PTPRJ: variants seen among roughly 807,000 people sequenced by gnomAD.
PTPRJ encodes protein tyrosine phosphatase receptor type J, also known as receptor-type tyrosine-protein phosphatase eta.
In PTPRJ, 129 loss-of-function variants were observed where a neutral mutation model predicts 141.3. That is an observed-to-expected ratio of 0.91 (90% CI 0.79 to 1.06). The LOEUF (loss-of-function observed/expected upper bound fraction) is 1.06, where lower values mean the gene tolerates loss of function less well. Ranked by LOEUF, PTPRJ falls within the 50% of genes least tolerant of loss-of-function variation. PTPRJ has a pLI of 0.00. For synonymous variants in PTPRJ, 610 were observed against 640.5 expected (o/e 0.95, Z 0.72); for missense variants, 1,601 against 1,679.7 (o/e 0.95, Z 0.82).
chr11:48,053,524 A>G (rs961280730), intron 1 of PTPRJ, among the ~76,000 whole-genome samples: 76 of 129,134 alleles, frequency 5.9e-4, no homozygotes, highest in African/African-American at 2.2e-3. Flanking sequence ...TCTGAAGGAG[A>G]GGTCAAATAT....
At chr11:48,104,979 C>T (rs1856249730) in intron 1 of PTPRJ, among the ~76,000 whole-genome samples, 1 of 152,142 alleles carries the variant, frequency 6.6e-6, no homozygotes, top group African/African-American at 2.4e-5. Context: ...GGGATAAACA[C>T]AGTTCCTCCC....
At position 48,130,513 on chromosome 11, in the gene PTPRJ, G is replaced by A. The variant is rs752659691; in HGVS notation, c.1412G>A (p.Gly471Asp). 3 of 1,613,778 alleles carry A rather than the reference G, an allele frequency of 1.9e-6. No individual in the cohort carries two copies. In the African/African-American group the frequency reaches 4.0e-5, roughly 22 times the overall value. ...ACAGTGGTCAGCACGACGGAGATCG[G>A]CTTAGCATGGAGCAGCCATGATGCA... ...RVTVVSTTEI[G>D]LAWSSHDAES... The change falls in exon 8 of 25, where the codon GGC (glycine) becomes GAC (aspartate). Residue 471 changes from glycine to aspartate, a missense_variant. By Grantham distance (94) the Gly-to-Asp change is moderately conservative. Coordinates refer to ENST00000418331, the MANE Select transcript of PTPRJ (RefSeq NM_002843.4).
chr11:48,018,017 T>A, intron 1 of PTPRJ, among the ~76,000 whole-genome samples: 1 of 152,348 alleles, frequency 6.6e-6, no homozygotes, highest in East Asian at 1.9e-4. Flanking sequence ...TGTGTATGCA[T>A]GTGTGAATGG....
At position 48,170,510 on chromosome 11, in the gene PTPRJ, G is replaced by C. The variant is rs1565339261; in HGVS notation, c.*3148G>C. 1 of 152,138 alleles carries C rather than the reference G, an allele frequency of 6.6e-6. No individual in the cohort carries two copies. The highest frequency in any genetic ancestry group is 2.1e-4 in the South Asian group (1 of 4,828). 9.4% of individuals were successfully genotyped at this position (152,138 alleles called of 1,614,324 possible). Reference sequence around the variant, plus strand: ...TGGTTCTCTTTTGAAATGCTTGATTGTACTTATTGAGCTAAACAAGTCTTG... The same window carrying C: ...TGGTTCTCTTTTGAAATGCTTGATTCTACTTATTGAGCTAAACAAGTCTTG... On this transcript the variant is annotated 3_prime_UTR_variant, in exon 25 of 25. Transcript: ENST00000418331.
In PTPRJ at chr11:48,153,112, G is replaced by C. The variant is rs541581610; in HGVS notation, c.3139-684G>C. ...GCCAATCACTGAGATGACAAATATT[G>C]CCGGGGAAGAAAGCTTTAATCGGGT... On this transcript the variant is annotated intron_variant, in intron 18 of 24. Transcript: ENST00000418331. Among the ~76,000 whole-genome samples the C allele has an allele frequency of 3.3e-3, 499 of 152,234 alleles. 5 individuals carry two copies. The highest frequency in any genetic ancestry group is 0.012 in the African/African-American group (484 of 41,552).
At chr11:48,110,920 G>C (rs553306462) in intron 2 of PTPRJ, among the ~76,000 whole-genome samples, 1 of 152,362 alleles carries the variant, frequency 6.6e-6, no homozygotes, top group Non-Finnish European at 1.5e-5. Context: ...AATATATTCA[G>C]TTGAAAGCAC....
chr11:48,003,197 C>T (rs952626944), intron 1 of PTPRJ, among the ~76,000 whole-genome samples: 1 of 152,080 alleles, frequency 6.6e-6, no homozygotes, highest in Non-Finnish European at 1.5e-5. Context: ...AATGGATGTA[C>T]TATAATTCAT....
At chr11:48,111,646 A>G (rs1451937077) in intron 2 of PTPRJ, among the ~76,000 whole-genome samples, 2 of 152,178 alleles carry the variant, frequency 1.3e-5, no homozygotes, top group Non-Finnish European at 2.9e-5. Context: ...GCAGAAGAAC[A>G]CTTCTATTCA....
intron 1 of PTPRJ, among the ~76,000 whole-genome samples, chr11:48,044,370 G>A (rs1854340089): frequency 1.3e-5 from 2 of 152,216 alleles, no homozygotes; most frequent in Non-Finnish European, 2.9e-5. Flanking sequence ...CTGAGGTCAG[G>A]CCTGGCAGGT....
intron 22 of PTPRJ, among the ~76,000 whole-genome samples, chr11:48,161,329 T>C (rs1475527437): frequency 6.6e-6 from 1 of 152,110 alleles, no homozygotes; most frequent in Non-Finnish European, 1.5e-5. Context: ...CCGGGAAGTA[T>C]AGATTCACTG....
chr11:48,128,828 T>G (rs1323463629), intron 7 of PTPRJ, among the ~76,000 whole-genome samples: 1 of 152,222 alleles, frequency 6.6e-6, no homozygotes, highest in Non-Finnish European at 1.5e-5. Flanking sequence ...GACCCAGGCT[T>G]ATCCCACAAG....
At chr11:48,114,161 G>T (rs912670819) in intron 3 of PTPRJ, among the ~76,000 whole-genome samples, 2 of 152,050 alleles carry the variant, frequency 1.3e-5, no homozygotes, top group Non-Finnish European at 2.9e-5. Flanking sequence ...CTAAGGGGCT[G>T]GGCACAGTGG....
At chr11:48,143,225 A>AT (rs1358529513) in intron 12 of PTPRJ, among the ~76,000 whole-genome samples, 175 bp downstream of exon 12, 2 of 152,204 alleles carry the variant, frequency 1.3e-5, no homozygotes, top group African/African-American at 4.8e-5. Context: ...TGGTTGACAA[A>AT]CTTTCTGGAA....
intron 1 of PTPRJ, among the ~76,000 whole-genome samples, chr11:48,081,890 C>T (rs1855568741): frequency 6.6e-6 from 1 of 152,144 alleles, no homozygotes; most frequent in Non-Finnish European, 1.5e-5. Context: ...TCTCAGGAAG[C>T]TCGAAGTTTG....
In PTPRJ at chr11:48,132,584, C is replaced by A. The variant is rs374890765; in HGVS notation, c.1615+1868C>A. On this transcript the variant is annotated intron_variant, in intron 8 of 24. Transcript: ENST00000418331. ...ATACAGAGGGTAGAATAAAGATATA[C>A]CTAATGTAAATGATGAGTTAATGGG... 2.3e-5 allele frequency: 22 copies of A among 963,658 alleles called. No homozygotes were observed. In the East Asian group the frequency reaches 9.2e-4, roughly 40 times the overall value. The allele number at this position is 963,658 out of a possible 1,614,324, so 59.7% of individuals were successfully genotyped here.
chr11:48,119,005 C>G (rs1048984822), intron 3 of PTPRJ, among the ~76,000 whole-genome samples: 1 of 92,486 alleles, frequency 1.1e-5, no homozygotes, highest in Non-Finnish European at 1.9e-5. Context: ...GGGTGACGAG[C>G]AAGACTTCGT....
rs148328179 is a variant in PTPRJ, at chr11:48,121,377, A to G, written c.616+111A>G. ...GGAAAGAGAATGGTTTTCATAAACTAGAAGAGGAGAAAAGGTGCTATGTTG... is the reference window on the plus strand; with the variant it reads ...GGAAAGAGAATGGTTTTCATAAACTGGAAGAGGAGAAAAGGTGCTATGTTG... On this transcript the variant is annotated intron_variant, in intron 4 of 24. Transcript: ENST00000418331. 28 of 1,203,704 alleles carry G rather than the reference A, an allele frequency of 2.3e-5. 1 individual carries two copies. The East Asian group carries it at 6.8e-4, about 29-fold the overall frequency. 74.6% of individuals were successfully genotyped at this position (1,203,704 alleles called of 1,614,324 possible). A position where few individuals can be genotyped will look rare whatever the true frequency, so the allele number is the denominator to read the frequency against.
intron 1 of PTPRJ, among the ~76,000 whole-genome samples, chr11:48,040,853 C>T (rs917401328): frequency 2.0e-5 from 3 of 152,130 alleles, no homozygotes; most frequent in Admixed American, 6.5e-5. Flanking sequence ...CTGCCCGCCT[C>T]GGCCTCCCAA....
chr11:48,100,869 C>G (rs996477258), intron 1 of PTPRJ, among the ~76,000 whole-genome samples: 1 of 131,070 alleles, frequency 7.6e-6, no homozygotes, highest in African/African-American at 2.9e-5. Flanking sequence ...GCAACAAGAG[C>G]AAAACTCTGT....
Sources: allele counts gnomAD v4.1 joint callset (sites outside exome capture counted in the v4.1 genomes callset), GRCh38; gene constraint gnomAD v4.1.1; transcripts MANE v1.5; gene names NCBI Gene and HGNC (gene_info 2026-07-23, HGNC 2026-07-21).